ZNF469: variants seen among roughly 807,000 people sequenced by gnomAD.
The protein encoded by ZNF469 is zinc finger protein 469.
A neutral mutation model predicts 1.0 loss-of-function variants in ZNF469; 1 was observed. The observed-to-expected ratio is 1.00, with a 90% CI of 0.35 to 4.73. The LOEUF (loss-of-function observed/expected upper bound fraction) is 4.73. Ranked by LOEUF, ZNF469 falls within the 30% of genes most tolerant of loss-of-function variation. The probability of loss-of-function intolerance (pLI) is 0.16; values close to 1 mark genes in which losing one functional copy is unlikely to be tolerated. For synonymous variants in ZNF469, 2,703 were observed against 2,363.4 expected (o/e 1.14, Z -4.17); for missense variants, 6,100 against 5,356.3 (o/e 1.14, Z -4.33).
the ZNF469 span, among the ~76,000 whole-genome samples, chr16:88,336,874 C>T: frequency 1.3e-5 from 2 of 152,176 alleles, no homozygotes; most frequent in African/African-American, 4.8e-5. Flanking sequence ...CTGCCGTTCC[C>T]CCAGCCCCTG....
chr16:88,381,105 T>C (rs1226010563), upstream of ZNF469, among the ~76,000 whole-genome samples: 3 of 55,130 alleles, frequency 5.4e-5, no homozygotes, highest in Admixed American at 1.9e-4. Context: ...CACCCGGACA[T>C]GCACTCGCAC....
At chr16:88,163,935 AATGGCTGG>A in the ZNF469 span, among the ~76,000 whole-genome samples, 6 of 143,820 alleles carry the variant, frequency 4.2e-5, no homozygotes, top group African/African-American at 1.6e-4. Flanking sequence ...TGGATGGATG[AATGGCTGG>A]GTGGGTGGCT....
At chr16:88,251,820 G>A in the ZNF469 span, among the ~76,000 whole-genome samples, 53,399 of 151,110 alleles carry the variant, frequency 0.35, 9,916 homozygotes, top group Middle Eastern at 0.47. Context: ...CGGCCTCCCA[G>A]AGTGCTGGGA....
the ZNF469 span, among the ~76,000 whole-genome samples, chr16:88,342,805 C>T: frequency 1.2e-4 from 19 of 152,218 alleles, no homozygotes; most frequent in East Asian, 1.5e-3. Flanking sequence ...CAGCGTAGGG[C>T]GATGCCTGTC....
chr16:88,434,664 C>T lies in ZNF469; in HGVS notation c.7194C>T (p.Cys2398=). ...CTACCAAGATGCCCAGGGTCACCTGCCCTTCCACAGGACTGGGCTTGGGAA... is the reference window on the plus strand; with the variant it reads ...CTACCAAGATGCCCAGGGTCACCTGTCCTTCCACAGGACTGGGCTTGGGAA... The part of the protein sequence containing the change: ...SGATKMPRVT[C]PSTGLGLGRT... The change falls in exon 3 of 3, where the codon TGC becomes TGT. Residue 2398 remains cysteine (C), a synonymous_variant. Transcript: ENST00000565624. The T allele has an allele frequency of 6.5e-7, 1 of 1,550,372 alleles. No individual in the cohort carries two copies. Among genetic ancestry groups the T allele is most frequent in the Non-Finnish European group, 8.7e-7 (1 of 1,146,964 alleles).
At chr16:88,283,932 C>T in the ZNF469 span, among the ~76,000 whole-genome samples, 701 of 58,784 alleles carry the variant, frequency 0.012, 12 homozygotes, top group African/African-American at 0.05. Context: ...CCGAGGTCTG[C>T]GGAGGCTGGT....
chr16:88,372,873 T>A, the ZNF469 span, among the ~76,000 whole-genome samples: 1 of 151,962 alleles, frequency 6.6e-6, no homozygotes, highest in East Asian at 1.9e-4. Context: ...ATCTTTACCA[T>A]CTTCACCATC....
chr16:88,353,264 G>A, the ZNF469 span, among the ~76,000 whole-genome samples: 1 of 152,160 alleles, frequency 6.6e-6, no homozygotes, highest in South Asian at 2.1e-4. Flanking sequence ...TAATGCGGCT[G>A]GAGGGACCCT....
At chr16:88,164,839 G>C in the ZNF469 span, among the ~76,000 whole-genome samples, 1 of 152,210 alleles carries the variant, frequency 6.6e-6, no homozygotes, top group Non-Finnish European at 1.5e-5. Flanking sequence ...AATAGTGCAT[G>C]AGTCCATTGG....
Position 88,434,748 on chromosome 16 carries a change from C to T in ZNF469, c.7278C>T (p.His2426=), listed in dbSNP as rs1906449629. ...TCCAGTCTGACTCCCCCCAAAGCCA[C>T]AGAAATGCCTCCCACCAGACTCCCC... ...SDFQSDSPQS[H]RNASHQTPQG... Residue 2426 remains histidine, a synonymous_variant, in exon 3 of 3, where the codon CAC becomes CAT. Coordinates refer to ENST00000565624, the MANE Select transcript of ZNF469 (RefSeq NM_001367624.2). The T allele has an allele frequency of 3.9e-6, 6 of 1,550,412 alleles. No individual in the cohort carries two copies. The highest frequency in any genetic ancestry group is 5.2e-6 in the Non-Finnish European group (6 of 1,146,980).
the ZNF469 span, among the ~76,000 whole-genome samples, chr16:88,264,916 C>G: frequency 1.3e-5 from 2 of 152,184 alleles, no homozygotes; most frequent in Non-Finnish European, 2.9e-5. Context: ...GCCTCTCCCC[C>G]ATGTCCTTCC....
rs115369134 is a variant in ZNF469 at position 88,411,716 on chromosome 16, G to A, written c.-191-13091G>A. ...GCGCAGGGTGGATGCCAGCCCAAGT[G>A]CTGCAGGGCCTGGGGCCTCTCACTC... On this transcript the variant is annotated intron_variant, in intron 1 of 2. Transcript: ENST00000565624. Among the ~76,000 whole-genome samples the A allele has an allele frequency of 8.4e-3, 1,272 of 152,312 alleles. 26 individuals carry two copies. Among genetic ancestry groups the A allele is most frequent in the African/African-American group, 0.029 (1,224 of 41,554 alleles).
At chr16:88,294,940 C>T in the ZNF469 span, 3 of 165,356 alleles carry the variant, frequency 1.8e-5, no homozygotes, top group South Asian at 2.9e-4. Context: ...AAGAGCCTCT[C>T]GAGCCCTCAG....
chr16:88,255,716 G>C, the ZNF469 span, among the ~76,000 whole-genome samples: 1 of 152,244 alleles, frequency 6.6e-6, no homozygotes, highest in Non-Finnish European at 1.5e-5. Context: ...AAACCTGAGA[G>C]GGGCTTCTGG....
At chr16:88,426,066 A>T (rs1371461862) in intron 2 of ZNF469, among the ~76,000 whole-genome samples, 3 of 152,208 alleles carry the variant, frequency 2.0e-5, no homozygotes, top group Non-Finnish European at 4.4e-5. Flanking sequence ...AGGCGGCTGT[A>T]GTGCGGGAAC....
At chr16:88,257,795 G>T in the ZNF469 span, among the ~76,000 whole-genome samples, 3 of 152,308 alleles carry the variant, frequency 2.0e-5, no homozygotes, top group South Asian at 2.1e-4. Flanking sequence ...GTCAGCAAAG[G>T]AACCCCAGAC....
the ZNF469 span, among the ~76,000 whole-genome samples, chr16:88,268,545 C>A: frequency 1.4e-3 from 217 of 152,282 alleles, 2 homozygotes; most frequent in African/African-American, 5.1e-3. Flanking sequence ...GTTCTCCTGG[C>A]GTTTTTCTCC....
the ZNF469 span, among the ~76,000 whole-genome samples, chr16:88,238,962 C>T: frequency 2.0e-5 from 3 of 152,258 alleles, no homozygotes; most frequent in African/African-American, 7.2e-5. Flanking sequence ...GAGATACAGT[C>T]CAGCCTCCTT....
chr16:88,437,662 C>A lies in ZNF469; in HGVS notation c.10192C>A (p.His3398Asn). ...GCTGCTGGAGCGGCCGGAGCTGCAG[C>A]ACACGCCGCTGTATGCCTGCGAGCT... The part of the protein sequence containing the change: ...HGLLERPELQ[H>N]TPLYACELCA... The change falls in exon 3 of 3, where the codon CAC (histidine) becomes AAC (asparagine). Residue 3398 changes from histidine (H) to asparagine (N), a missense_variant. By Grantham distance (68) the His-to-Asn change is moderately conservative. Coordinates refer to ENST00000565624, the MANE Select transcript of ZNF469 (RefSeq NM_001367624.2). The A allele has an allele frequency of 6.5e-7, 1 of 1,547,748 alleles. No individual in the cohort carries two copies. Among genetic ancestry groups the A allele is most frequent in the Non-Finnish European group, 8.7e-7 (1 of 1,145,170 alleles).
Sources: allele counts gnomAD v4.1 joint callset (sites outside exome capture counted in the v4.1 genomes callset), GRCh38; gene constraint gnomAD v4.1.1; transcripts MANE v1.5; gene names NCBI Gene and HGNC (gene_info 2026-07-23, HGNC 2026-07-21).